Variants in INPP4A observed in about 807,000 individuals in gnomAD.
INPP4A encodes inositol polyphosphate-4-phosphatase, type I, 107kD.
Under a neutral mutation model 119.8 loss-of-function variants are expected in INPP4A, and 33 were observed. The observed-to-expected ratio is 0.28, with a 90% CI of 0.21 to 0.37. The LOEUF (loss-of-function observed/expected upper bound fraction) is 0.37, where lower values mean the gene tolerates loss of function less well. Ranked by LOEUF, INPP4A falls within the 10% of genes least tolerant of loss-of-function variation. The pLI, the probability that INPP4A is intolerant of heterozygous loss-of-function variation, is 1.00. For missense variants in INPP4A, 956 were observed against 1,289.9 expected (o/e 0.74, Z 3.97); for synonymous variants, 496 against 500.7 (o/e 0.99, Z 0.12).
chr2:98,459,633 C>T (rs769138485), intron 1 of INPP4A, among the ~76,000 whole-genome samples: 10 of 152,220 alleles, frequency 6.6e-5, no homozygotes, highest in Non-Finnish European at 1.0e-4. Context: ...ACACACCCTG[C>T]GAACATCATG....
rs1039605159 is a variant in INPP4A at position 98,566,566 on chromosome 2, A to G, written c.2420+397A>G. Among the ~76,000 whole-genome samples the G allele has an allele frequency of 1.3e-5, 2 of 152,168 alleles. No homozygotes were observed. The highest frequency in any genetic ancestry group is 1.3e-4 in the Admixed American group (2 of 15,284). On this transcript the variant is annotated intron_variant, in intron 21 of 24. Transcript: ENST00000409851. The surrounding 1 kb of genome is among the most constrained non-coding windows in gnomAD (Gnocchi z 4.2). ...GGTGGAGGGGAGACATGTCAGATTA[A>G]GAAGACTGAAGAAAGGCCTGGCGAG...
At chr2:98,533,669 G>A (rs1689671937) in intron 5 of INPP4A, among the ~76,000 whole-genome samples, 174 bp downstream of exon 5, 1 of 152,142 alleles carries the variant, frequency 6.6e-6, no homozygotes, top group African/African-American at 2.4e-5. Flanking sequence ...TACTCATCTG[G>A]GTGGCATTTA....
intron 10 of INPP4A, among the ~76,000 whole-genome samples, chr2:98,543,325 C>A (rs544383583): frequency 6.6e-6 from 1 of 152,280 alleles, no homozygotes; most frequent in Non-Finnish European, 1.5e-5. Flanking sequence ...GTTTTAGATT[C>A]TGCGGCTCCC....
rs771321631 is a variant in INPP4A at position 98,566,053 on chromosome 2, T to C, written c.2304T>C (p.Pro768=). 3.7e-6 allele frequency: 6 copies of C among 1,606,000 alleles called. No individual in the cohort carries two copies. Among genetic ancestry groups the C allele is most frequent in the Non-Finnish European group, 4.2e-6 (5 of 1,176,578 alleles). Reference sequence around the variant, plus strand: ...GCGACGGGTTTAACGTGCGGGTCCCTCTGCCGGGCCCGCTGTTTGACGCCT... The same window carrying C: ...GCGACGGGTTTAACGTGCGGGTCCCCCTGCCGGGCCCGCTGTTTGACGCCT... ...GNRDGFNVRV[P]LPGPLFDALP... is the part of the protein sequence containing the mutation. The change falls in exon 21 of 25, where the codon CCT becomes CCC. Residue 768 remains proline, a synonymous_variant. Coordinates refer to ENST00000409851, the MANE Select transcript of INPP4A (RefSeq NM_001134225.2). The surrounding 1 kb of genome is among the most constrained non-coding windows in gnomAD (Gnocchi z 4.2).
chr2:98,583,946 C>G (rs1699664931), intron 24 of INPP4A, among the ~76,000 whole-genome samples: 1 of 152,248 alleles, frequency 6.6e-6, no homozygotes. Flanking sequence ...GGGCAGGCAT[C>G]ACCTGTGTGT....
At chr2:98,575,580 C>G (rs935682306) in intron 23 of INPP4A, among the ~76,000 whole-genome samples, 4 of 152,022 alleles carry the variant, frequency 2.6e-5, no homozygotes, top group African/African-American at 9.7e-5. Context: ...GAAGCCTATT[C>G]TCCTTCTGAT....
intron 1 of INPP4A, among the ~76,000 whole-genome samples, chr2:98,505,700 G>A (rs186673173): frequency 5.3e-5 from 8 of 152,322 alleles, no homozygotes; most frequent in East Asian, 1.9e-4. Flanking sequence ...AGAGCCAGCC[G>A]TCACCACAGA....
At chr2:98,564,519 A>G in intron 18 of INPP4A, 121 bp from the exon 19 acceptor site, 1 of 1,253,696 alleles carries the variant, frequency 8.0e-7, no homozygotes. Flanking sequence ...GGGAGGTGCC[A>G]CTGAAGCCCC....
At chr2:98,510,435 C>A (rs533236531) in intron 1 of INPP4A, among the ~76,000 whole-genome samples, 3 of 152,326 alleles carry the variant, frequency 2.0e-5, no homozygotes, top group Admixed American at 2.0e-4. Context: ...GTATCTCAGT[C>A]AGTTCAGGCT....
Position 98,554,558 on chromosome 2 carries a change from G to C in INPP4A, c.1566+69G>C. On this transcript the variant is annotated intron_variant, in intron 15 of 24. Coordinates refer to ENST00000409851, the MANE Select transcript of INPP4A (RefSeq NM_001134225.2). The surrounding 1 kb of genome is among the most constrained non-coding windows in gnomAD (Gnocchi z 4.7). ...CTGAAAACCACAAAACCTGTTGCCAGTCTCTGCCCCTCTGAAGTGCCTCAA... is the reference window on the plus strand; with the variant it reads ...CTGAAAACCACAAAACCTGTTGCCACTCTCTGCCCCTCTGAAGTGCCTCAA... 7.2e-7 allele frequency: 1 copy of C among 1,383,980 alleles called. No individual in the cohort carries two copies. The highest frequency in any genetic ancestry group is 1.3e-5 in the South Asian group (1 of 75,756). 85.7% of individuals were successfully genotyped at this position (1,383,980 alleles called of 1,614,324 possible). A position where few individuals can be genotyped will look rare whatever the true frequency, so the allele number is the denominator to read the frequency against.
At chr2:98,515,543 T>C (rs1685952228) in intron 1 of INPP4A, among the ~76,000 whole-genome samples, 1 of 152,144 alleles carries the variant, frequency 6.6e-6, no homozygotes. Flanking sequence ...ATATTTCATC[T>C]CCATGTGACC....
At chr2:98,503,842 A>G (rs539285566) in intron 1 of INPP4A, among the ~76,000 whole-genome samples, 12 of 152,256 alleles carry the variant, frequency 7.9e-5, no homozygotes, top group African/African-American at 2.9e-4. Flanking sequence ...TATTAGCCTG[A>G]TCTTTGCTGC....
intron 1 of INPP4A, among the ~76,000 whole-genome samples, chr2:98,513,432 T>C (rs1205664079): frequency 6.6e-6 from 1 of 152,238 alleles, no homozygotes; most frequent in Non-Finnish European, 1.5e-5. Context: ...CACTTAACTT[T>C]CTCATTGGTT....
intron 17 of INPP4A, among the ~76,000 whole-genome samples, chr2:98,560,813 C>T (rs535421513): frequency 1.3e-5 from 2 of 152,216 alleles, no homozygotes; most frequent in Non-Finnish European, 2.9e-5. Flanking sequence ...TGCATCTGCC[C>T]CCACAGAAGC....
intron 1 of INPP4A, among the ~76,000 whole-genome samples, chr2:98,489,866 C>G (rs1254393823): frequency 5.2e-5 from 5 of 96,676 alleles, no homozygotes; most frequent in Non-Finnish European, 7.6e-5. Context: ...TATACCCCCC[C>G]ACCCCCCACC....
intron 1 of INPP4A, among the ~76,000 whole-genome samples, chr2:98,484,127 C>T (rs763755141): frequency 4.6e-5 from 7 of 152,270 alleles, no homozygotes; most frequent in Non-Finnish European, 8.8e-5. Flanking sequence ...ACTCCTGTCC[C>T]TCCCCTGCAT....
chr2:98,572,877 G>T lies in INPP4A; in HGVS notation c.2581G>T (p.Val861Leu). The T allele has an allele frequency of 6.3e-7, 1 of 1,580,596 alleles. No individual in the cohort carries two copies. Residue 861 changes from valine (V) to leucine (L), a missense_variant, in exon 23 of 25, where the codon GTG becomes TTG. Around this residue, in one of 2 missense-constraint regions of INPP4A, gnomAD observed 304 missense variants for 492.1 expected, o/e 0.62. Coordinates refer to ENST00000409851, the MANE Select transcript of INPP4A (RefSeq NM_001134225.2). ...GCTGCTGCGGTTTCTGGGTCAGAAC[G>T]TGCATGCCCGGAAGAATAAGAACGT... ...PELLRFLGQN[V>L]HARKNKNVDI...
chr2:98,509,322 A>G (rs1417444145), intron 1 of INPP4A, among the ~76,000 whole-genome samples: 1 of 152,170 alleles, frequency 6.6e-6, no homozygotes, highest in Non-Finnish European at 1.5e-5. Context: ...ACTTCTTGTC[A>G]ATCAGCGGTG....
Position 98,533,441 on chromosome 2 carries a change from C to T in INPP4A, c.216C>T (p.Val72=), listed in dbSNP as rs901399323. Residue 72 remains valine, a synonymous_variant, in exon 5 of 25, where the codon GTC becomes GTT. Coordinates refer to ENST00000409851, the MANE Select transcript of INPP4A (RefSeq NM_001134225.2). ...CAAATAGTTTTGTTGCGGTGAGTGTCACCACCCCTCCTCAGGCATTCTGGA... is the reference window on the plus strand; with the variant it reads ...CAAATAGTTTTGTTGCGGTGAGTGTTACCACCCCTCCTCAGGCATTCTGGA... ...RKPNSFVAVS[V]TTPPQAFWTK... 6.2e-6 allele frequency: 10 copies of T among 1,613,512 alleles called. No homozygotes were observed. Among genetic ancestry groups the T allele is most frequent in the South Asian group, 2.2e-5 (2 of 91,068 alleles).
Sources: allele counts gnomAD v4.1 joint callset (sites outside exome capture counted in the v4.1 genomes callset), GRCh38; gene constraint gnomAD v4.1.1; regional missense constraint gnomAD v4.1.1; non-coding constraint Gnocchi (gnomAD v3.1); transcripts MANE v1.5; gene names NCBI Gene and HGNC (gene_info 2026-07-23, HGNC 2026-07-21).